CES5A: variants seen among roughly 807,000 people sequenced by gnomAD.
CES5A encodes the protein carboxylesterase 5A, also known as carboxylesterase 5.
Under a neutral mutation model 62.9 loss-of-function variants are expected in CES5A, and 67 were observed. That is an observed-to-expected ratio of 1.07 (90% CI 0.88 to 1.31). CES5A has a LOEUF of 1.31. Among genes scored for constraint, CES5A ranks in the 50% most tolerant of loss-of-function variants. CES5A has a pLI of 0.00. For missense variants in CES5A, 748 were observed against 708.5 expected, an observed-to-expected ratio of 1.06 and a Z score of -0.63; for synonymous variants, 296 against 280.8, an observed-to-expected ratio of 1.05 and a Z score of -0.54.
upstream of CES5A, among the ~76,000 whole-genome samples, chr16:55,879,088 C>A (rs1057455283): frequency 6.7e-6 from 1 of 148,666 alleles, no homozygotes; most frequent in Non-Finnish European, 1.5e-5. Context: ...CCATCATTAT[C>A]CCATCGCTGT....
At chr16:55,927,241 C>T (rs1281833153), upstream of CES5A, among the ~76,000 whole-genome samples, 3 of 152,022 alleles carry the variant, frequency 2.0e-5, no homozygotes, top group African/African-American at 2.4e-5. Flanking sequence ...AAAGCAAATG[C>T]AATATAATCA....
intron 1 of CES5A, among the ~76,000 whole-genome samples, chr16:55,880,471 C>T (rs2033750172): frequency 6.6e-6 from 1 of 152,192 alleles, no homozygotes; most frequent in Admixed American, 6.5e-5. Flanking sequence ...TCCCTCCTCC[C>T]CTCCACCCTT....
At chr16:55,917,270 A>G (rs913858530) in intron 1 of CES5A, among the ~76,000 whole-genome samples, 4 of 152,216 alleles carry the variant, frequency 2.6e-5, no homozygotes, top group East Asian at 3.8e-4. Flanking sequence ...CTAGTTACCT[A>G]TTGCTGCCTC....
intron 4 of CES5A, among the ~76,000 whole-genome samples, chr16:55,869,025 G>A (rs1315668017): frequency 1.3e-5 from 2 of 152,246 alleles, no homozygotes; most frequent in African/African-American, 2.4e-5. Context: ...CTGTGATAGA[G>A]TGATGATTCT....
chr16:55,881,968 A>G (rs1443443635), intron 1 of CES5A, among the ~76,000 whole-genome samples: 1 of 152,202 alleles, frequency 6.6e-6, no homozygotes, highest in Non-Finnish European at 1.5e-5. Context: ...ATCTATGACA[A>G]TGGCTAATAG....
chr16:55,883,645 GT>G (rs556824271), intron 1 of CES5A, among the ~76,000 whole-genome samples: 112 of 152,294 alleles, frequency 7.4e-4, no homozygotes, highest in African/African-American at 2.5e-3. Flanking sequence ...ATACAATATT[GT>G]TTTTTCTTTA....
chr16:55,911,752 G>C (rs547685403), intron 1 of CES5A, among the ~76,000 whole-genome samples: 1 of 152,302 alleles, frequency 6.6e-6, no homozygotes, highest in South Asian at 2.1e-4. Flanking sequence ...GGAAGAGACT[G>C]ACCCAACTCA....
At chr16:55,855,456 G>A (rs575071110) in intron 9 of CES5A, among the ~76,000 whole-genome samples, 3 of 152,342 alleles carry the variant, frequency 2.0e-5, no homozygotes, top group South Asian at 4.1e-4. Flanking sequence ...ACGAGTAAAT[G>A]ACTGGTCTTG....
At chr16:55,848,565 T>C (rs1456422031) in intron 11 of CES5A, among the ~76,000 whole-genome samples, 1 of 152,238 alleles carries the variant, frequency 6.6e-6, no homozygotes, top group Non-Finnish European at 1.5e-5. Flanking sequence ...GTCTGCAGTT[T>C]TCTTGTTATG....
intron 1 of CES5A, among the ~76,000 whole-genome samples, chr16:55,950,485 A>T (rs2034543133): frequency 6.6e-6 from 1 of 152,226 alleles, no homozygotes. Context: ...TCAATATATG[A>T]ACTGAATATC....
intron 1 of CES5A, among the ~76,000 whole-genome samples, chr16:55,923,169 T>C (rs1333567101): frequency 1.3e-5 from 2 of 150,294 alleles, no homozygotes; most frequent in African/African-American, 4.9e-5. Context: ...AAGAAAGAAA[T>C]AATAAAGATC....
At chr16:55,919,161 T>C (rs1430046329) in intron 1 of CES5A, among the ~76,000 whole-genome samples, 1 of 152,218 alleles carries the variant, frequency 6.6e-6, no homozygotes, top group African/African-American at 2.4e-5. Context: ...GGGCAATGAG[T>C]CCCTGAACAG....
At chr16:55,919,671 G>A (rs1486262646) in intron 1 of CES5A, among the ~76,000 whole-genome samples, 1 of 152,120 alleles carries the variant, frequency 6.6e-6, no homozygotes, top group Non-Finnish European at 1.5e-5. Flanking sequence ...GAAAAATCTA[G>A]AAAAATCACT....
intron 1 of CES5A, among the ~76,000 whole-genome samples, chr16:55,916,947 G>A (rs2034153538): frequency 6.6e-6 from 1 of 152,176 alleles, no homozygotes; most frequent in African/African-American, 2.4e-5. Flanking sequence ...CAGCAGCATA[G>A]ACTTCTCTCC....
intron 1 of CES5A, among the ~76,000 whole-genome samples, chr16:55,885,966 T>G (rs565138041): frequency 6.6e-6 from 1 of 152,204 alleles, no homozygotes; most frequent in Non-Finnish European, 1.5e-5. Context: ...TACACACACA[T>G]GGCTGACCCC....
At chr16:55,855,045 A>T (rs2033212097) in intron 9 of CES5A, among the ~76,000 whole-genome samples, 1 of 152,040 alleles carries the variant, frequency 6.6e-6, no homozygotes, top group African/African-American at 2.4e-5. Flanking sequence ...CCATCACCAG[A>T]CAAGCTCCAT....
intron 1 of CES5A, among the ~76,000 whole-genome samples, chr16:55,906,270 G>A (rs1017595657): frequency 3.3e-5 from 5 of 152,344 alleles, no homozygotes; most frequent in Non-Finnish European, 4.4e-5. Flanking sequence ...GAGGAGACGG[G>A]TGTTGATTGA....
At chr16:55,878,733 T>C (rs1232160218), upstream of CES5A, among the ~76,000 whole-genome samples, 5 of 142,874 alleles carry the variant, frequency 3.5e-5, no homozygotes, top group Admixed American at 3.5e-4. Flanking sequence ...CCCCCACCAC[T>C]GCACACCACC....
chr16:55,887,827 A>C (rs573770640), intron 1 of CES5A, among the ~76,000 whole-genome samples: 2 of 152,264 alleles, frequency 1.3e-5, no homozygotes, highest in East Asian at 3.9e-4. Flanking sequence ...AAAGTATGAA[A>C]ATATGTTGCA....
Sources: allele counts gnomAD v4.1 joint callset (sites outside exome capture counted in the v4.1 genomes callset), GRCh38; gene constraint gnomAD v4.1.1; transcripts MANE v1.5; gene names NCBI Gene and HGNC (gene_info 2026-07-23, HGNC 2026-07-21).